XG: variants seen among roughly 807,000 people sequenced by gnomAD.
The protein encoded by XG is glycoprotein Xg.
In XG, 24 loss-of-function variants were observed where a neutral mutation model predicts 25.7. The observed-to-expected ratio is 0.93, with a 90% CI of 0.68 to 1.31. The LOEUF is 1.31. XG is among the 40% of genes most tolerant of loss of function. The probability of loss-of-function intolerance (pLI) is 0.00; values close to 1 mark genes in which losing one functional copy is unlikely to be tolerated. For missense variants in XG, 181 were observed against 187.6 expected (o/e 0.96, Z 0.21); for synonymous variants, 77 against 69.2 (o/e 1.11, Z -0.56).
At chrX:2,782,965 A>G (rs966712321) in intron 4 of XG, among the ~76,000 whole-genome samples, 9 of 111,777 alleles carry the variant, frequency 8.1e-5, no homozygotes, top group Non-Finnish European at 1.7e-4. Flanking sequence ...AGTTTGGCTC[A>G]CACCCAGGAA....
intron 1 of XG, among the ~76,000 whole-genome samples, chrX:2,754,050 G>A (rs908409575): frequency 1.3e-5 from 2 of 152,050 alleles, no homozygotes; most frequent in Non-Finnish European, 2.9e-5. Context: ...CGTTTGGTAG[G>A]GTAGTTGTAT....
intron 4 of XG, among the ~76,000 whole-genome samples, chrX:2,784,028 C>A (rs1430822513): frequency 3.6e-5 from 4 of 111,492 alleles, no homozygotes; most frequent in Non-Finnish European, 7.5e-5. Context: ...CAAAACACCA[C>A]CTCACCCTTA....
chrX:2,800,120 G>A (rs2086921320), intron 7 of XG, among the ~76,000 whole-genome samples: 1 of 111,354 alleles, frequency 9.0e-6, no homozygotes, highest in South Asian at 3.9e-4. Flanking sequence ...GAAGAATGTG[G>A]GCTCAGAGCA....
At chrX:2,806,148 G>A (rs752437864) in intron 7 of XG, among the ~76,000 whole-genome samples, 1 of 110,249 alleles carries the variant, frequency 9.1e-6, no homozygotes, top group African/African-American at 3.3e-5. Context: ...TGCCTCAGTC[G>A]TCTCCCAAGT....
At chrX:2,777,978 GA>G (rs991950796) in intron 3 of XG, among the ~76,000 whole-genome samples, 2 of 152,000 alleles carry the variant, frequency 1.3e-5, no homozygotes, top group African/African-American at 2.4e-5. Context: ...AAAATAGCTG[GA>G]AAAAAAATGC....
chrX:2,803,543 G>T (rs368750368), intron 7 of XG, among the ~76,000 whole-genome samples: 1 of 109,943 alleles, frequency 9.1e-6, no homozygotes, highest in Non-Finnish European at 1.9e-5. Context: ...ATAATTTGGC[G>T]GGTAGGGGCT....
intron 4 of XG, among the ~76,000 whole-genome samples, chrX:2,783,756 C>T (rs915156045): frequency 1.7e-4 from 19 of 112,917 alleles, no homozygotes; most frequent in African/African-American, 5.1e-4. Flanking sequence ...GGGCAGATCA[C>T]CTGAAGTCAG....
chrX:2,772,686 T>A (rs1160383876), intron 2 of XG, among the ~76,000 whole-genome samples: 2 of 152,268 alleles, frequency 1.3e-5, no homozygotes, highest in Admixed American at 6.5e-5. Flanking sequence ...TTGCACACTT[T>A]AAAATGTCAA....
chrX:2,766,854 C>T (rs144832326), intron 1 of XG, among the ~76,000 whole-genome samples: 1,694 of 152,184 alleles, frequency 0.011, 42 homozygotes, highest in African/African-American at 0.039. Context: ...TGTGAGCCAC[C>T]GCGCCCAGCC....
At chrX:2,777,087 G>A (rs2051015495) in intron 3 of XG, among the ~76,000 whole-genome samples, 1 of 152,154 alleles carries the variant, frequency 6.6e-6, no homozygotes. Context: ...TCTGCCATAA[G>A]AAGAAATTCA....
At chrX:2,801,813 A>C (rs1279320510) in intron 7 of XG, among the ~76,000 whole-genome samples, 4 of 110,789 alleles carry the variant, frequency 3.6e-5, no homozygotes, top group Non-Finnish European at 7.6e-5. Context: ...GGTTCACGCC[A>C]TTCTCCTGCC....
intron 2 of XG, among the ~76,000 whole-genome samples, chrX:2,770,927 A>G (rs1483121471): frequency 1.3e-5 from 2 of 152,044 alleles, no homozygotes. Context: ...CTTACCACAT[A>G]GCCTCGACTT....
chrX:2,770,026 G>A (rs868648268), intron 1 of XG, among the ~76,000 whole-genome samples: 3 of 148,012 alleles, frequency 2.0e-5, no homozygotes, highest in Non-Finnish European at 4.5e-5. Flanking sequence ...TGGAGGGGTG[G>A]GGGGGGCGTT....
At chrX:2,766,586 A>G (rs1383733769) in intron 1 of XG, among the ~76,000 whole-genome samples, 2 of 123,622 alleles carry the variant, frequency 1.6e-5, no homozygotes, top group African/African-American at 6.1e-5. Context: ...TTTTTTCAAG[A>G]CAGATTCTTG....
At chrX:2,796,610 T>C (rs1158660141) in intron 6 of XG, among the ~76,000 whole-genome samples, 2 of 111,365 alleles carry the variant, frequency 1.8e-5, no homozygotes, top group African/African-American at 6.5e-5. Flanking sequence ...ATCTTTCATA[T>C]AGAAATACAA....
In XG at chrX:2,786,260, C is replaced by CTTTTTTTTTTTT. The variant is rs1179667048; in HGVS notation, c.191-3378_191-3367dup. Among the ~76,000 whole-genome samples, 98 of 60,555 alleles carry CTTTTTTTTTTTT rather than the reference C, an allele frequency of 1.6e-3. 16 individuals carry two copies. Among genetic ancestry groups the CTTTTTTTTTTTT allele is most frequent in the Admixed American group, 7.4e-3 (28 of 3,808 alleles). The allele number at this position is 60,555 out of a possible 115,157, so 52.6% of individuals were successfully genotyped here. A position where few individuals can be genotyped will look rare whatever the true frequency, so the allele number is the denominator to read the frequency against. ...CCCCAGCAGCTCCTATCCATGTTGT[C>CTTTTTTTTTTTT]TTTTTTTTTTTTTTTTTCAGACAGA... On this transcript the variant is annotated intron_variant, in intron 4 of 10. Transcript: ENST00000644266.
rs774896285 is a variant in XG, at chrX:2,793,433, G to A, written c.254-1102G>A. 8.9e-5 allele frequency among the ~76,000 whole-genome samples: 10 copies of A among 112,077 alleles called. No individual in the cohort carries two copies. The South Asian group carries it at 3.7e-3, about 42-fold the overall frequency. On this transcript the variant is annotated intron_variant, in intron 5 of 10. Coordinates refer to ENST00000644266, the MANE Select transcript of XG (RefSeq NM_001141919.2). ...AGTCTATGACAGACACCATCAGAGG[G>A]CAGAGGCACAGGTGAACGCAGCAGT...
At chrX:2,759,506 C>T (rs6642011) in intron 1 of XG, among the ~76,000 whole-genome samples, 8,184 of 152,154 alleles carry the variant, frequency 0.054, 618 homozygotes, top group East Asian at 0.34. Context: ...AGGATCTTTT[C>T]CCCATAGGGC....
chrX:2,776,553 T>C (rs2534626), intron 3 of XG, among the ~76,000 whole-genome samples: 2 of 146,684 alleles, frequency 1.4e-5, no homozygotes, highest in Non-Finnish European at 3.0e-5. Flanking sequence ...GGAGTCTGGC[T>C]GGCTCTCTTA....
Sources: gnomAD v4.1 joint callset for allele counts (sites outside exome capture counted in the v4.1 genomes callset) on GRCh38, gnomAD v4.1.1 for gene constraint, MANE v1.5 for transcripts, NCBI Gene and HGNC (gene_info 2026-07-23, HGNC 2026-07-21) for gene names.